SP2: variants seen among roughly 807,000 people sequenced by gnomAD.
SP2 encodes the protein Sp2 transcription factor.
In SP2, 9 loss-of-function variants were observed where a neutral mutation model predicts 50.1. The ratio of observed to expected loss-of-function variants is 0.18; its 90% CI spans 0.11 to 0.31. The LOEUF (loss-of-function observed/expected upper bound fraction) is 0.31, where lower values mean the gene tolerates loss of function less well. Ranked by LOEUF, SP2 falls within the 10% of genes least tolerant of loss-of-function variation. SP2 has a pLI of 1.00. For missense variants in SP2, 581 were observed against 806.5 expected (o/e 0.72, Z 3.39); for synonymous variants, 313 against 326.6 (o/e 0.96, Z 0.45).
intron 1 of SP2, among the ~76,000 whole-genome samples, chr17:47,914,060 G>A (rs933312472): frequency 1.3e-5 from 2 of 152,164 alleles, no homozygotes; most frequent in African/African-American, 2.4e-5. Flanking sequence ...ATGTAAAAGC[G>A]TAAATTCAAG....
chr17:47,903,808 C>CA (rs1350758912), intron 1 of SP2, among the ~76,000 whole-genome samples: 3 of 150,062 alleles, frequency 2.0e-5, no homozygotes, highest in African/African-American at 4.9e-5. Flanking sequence ...TACTAAAATA[C>CA]AAAAAATCAG....
chr17:47,916,643 C>T lies in SP2; in HGVS notation c.572C>T (p.Thr191Ile), dbSNP rs1416259762. Residue 191 changes from threonine (T) to isoleucine (I), a missense_variant, in exon 3 of 7, where the codon ACC becomes ATC. Thr to Ile is a moderately conservative substitution (Grantham distance 89). Coordinates refer to ENST00000376741, the MANE Select transcript of SP2 (RefSeq NM_003110.6). The surrounding 1 kb of genome is among the most constrained non-coding windows in gnomAD (Gnocchi z 4.7). The stretch of plus-strand genomic sequence containing the variant: ...CCCATCCAGAAGTCGAGTACGACCA[C>T]CACCCCCGTGCAGAGCGGGGCCAAT... ...PAPIQKSSTT[T>I]TPVQSGANVV... 1.2e-6 allele frequency: 2 copies of T among 1,613,998 alleles called. No individual in the cohort carries two copies. The highest frequency in any genetic ancestry group is 1.7e-6 in the Non-Finnish European group (2 of 1,179,926).
rs2035195506 is a variant in SP2, at chr17:47,916,216, G to C, written c.145G>C (p.Ala49Pro). ...AACATGTAGCAAAATTGGCCCTCCAGCAGTTGAAGCTGCTGTGACACCTCC... is the reference window on the plus strand; with the variant it reads ...AACATGTAGCAAAATTGGCCCTCCACCAGTTGAAGCTGCTGTGACACCTCC... The part of the protein sequence containing the change: ...AATCSKIGPP[A>P]VEAAVTPPAP... Residue 49 changes from alanine (A) to proline (P), a missense_variant, in exon 3 of 7, where the codon GCA (alanine) becomes CCA (proline). Ala to Pro is a conservative substitution (Grantham distance 27). Around this residue, in one of 2 missense-constraint regions of SP2, gnomAD observed 397 missense variants for 491.0 expected, o/e 0.81. Transcript: ENST00000376741. The surrounding 1 kb of genome is among the most constrained non-coding windows in gnomAD (Gnocchi z 4.7). 6.2e-7 allele frequency: 1 copy of C among 1,614,004 alleles called. No homozygotes were observed. Among genetic ancestry groups the C allele is most frequent in the East Asian group, 2.2e-5 (1 of 44,866 alleles).
At chr17:47,929,652 T>C (rs2035779613), downstream of SP2, 1 of 152,702 alleles carries the variant, frequency 6.5e-6, no homozygotes, top group African/African-American at 2.4e-5. Flanking sequence ...TGTTTTGCTT[T>C]GTTTTGCAGA....
At chr17:47,908,848 C>G (rs550170446) in intron 1 of SP2, among the ~76,000 whole-genome samples, 4 of 152,144 alleles carry the variant, frequency 2.6e-5, no homozygotes, top group Non-Finnish European at 5.9e-5. Context: ...ATCCACCGCG[C>G]CCGGCCATGA....
At chr17:47,927,170 G>A (rs112620510) in intron 6 of SP2, among the ~76,000 whole-genome samples, 161 of 152,274 alleles carry the variant, frequency 1.1e-3, no homozygotes, top group African/African-American at 3.9e-3. Flanking sequence ...CAGGGACAAG[G>A]AATGGGAACG....
At chr17:47,929,227 T>C (rs1314785033), downstream of SP2, among the ~76,000 whole-genome samples, 1 of 152,234 alleles carries the variant, frequency 6.6e-6, no homozygotes, top group Non-Finnish European at 1.5e-5. Flanking sequence ...GTTTTGCCTG[T>C]ACACAAAGCA....
chr17:47,925,301 C>G (rs763801680), intron 5 of SP2, 47 bp from the exon 6 acceptor site: 3 of 1,557,176 alleles, frequency 1.9e-6, no homozygotes, highest in Non-Finnish European at 1.8e-6. Flanking sequence ...TACCGCTTTT[C>G]TCTCCTCTTC....
chr17:47,924,219 T>C (rs1195930187), intron 4 of SP2, among the ~76,000 whole-genome samples: 1 of 152,108 alleles, frequency 6.6e-6, no homozygotes, highest in African/African-American at 2.4e-5. Flanking sequence ...CAATGCAGCC[T>C]CAGCCTCCTG....
chr17:47,898,768 A>G (rs1426255231), intron 1 of SP2: 1 of 152,240 alleles, frequency 6.6e-6, no homozygotes, highest in Non-Finnish European at 1.5e-5. Context: ...TTAGGGATGC[A>G]GTAGCGTGAA....
intron 1 of SP2, among the ~76,000 whole-genome samples, chr17:47,911,800 G>A (rs1163687529): frequency 2.7e-5 from 4 of 146,334 alleles, no homozygotes; most frequent in Middle Eastern, 3.5e-3. Context: ...GCGAGACTCC[G>A]TCTCAAAAAA....
At chr17:47,909,669 A>C in intron 1 of SP2, 1 of 980,024 alleles carries the variant, frequency 1.0e-6, no homozygotes. Flanking sequence ...TACAGAGGGC[A>C]CTAGGAGGAG....
At chr17:47,897,213 T>C (rs1031171705) in intron 1 of SP2, 3 of 152,292 alleles carry the variant, frequency 2.0e-5, no homozygotes, top group African/African-American at 7.2e-5. Context: ...ATGCTTCTTA[T>C]GTTTCCTTGC....
chr17:47,900,363 ATCT>A (rs1598096242), intron 1 of SP2: 1 of 152,218 alleles, frequency 6.6e-6, no homozygotes, highest in Non-Finnish European at 1.5e-5. Context: ...ATAATTAGGA[ATCT>A]TCTTAGATCA....
intron 1 of SP2, chr17:47,897,552 C>T (rs1047095154): frequency 2.6e-5 from 4 of 152,260 alleles, no homozygotes; most frequent in African/African-American, 9.6e-5. Flanking sequence ...CTGGCATGCA[C>T]TGTCTAAAAC....
chr17:47,909,214 A>G (rs915896045), intron 1 of SP2, among the ~76,000 whole-genome samples: 2 of 152,194 alleles, frequency 1.3e-5, no homozygotes, highest in African/African-American at 4.8e-5. Flanking sequence ...TGTGTAAACT[A>G]CAGGAGGATA....
intron 1 of SP2, among the ~76,000 whole-genome samples, chr17:47,912,836 C>T (rs2035045832): frequency 1.3e-5 from 2 of 151,958 alleles, no homozygotes; most frequent in African/African-American, 2.4e-5. Context: ...GTTCTGCTTT[C>T]CCAATATGTA....
In SP2 at chr17:47,928,189, A is replaced by G. The variant is rs1399376268; in HGVS notation, c.*365A>G. On this transcript the variant is annotated 3_prime_UTR_variant, in exon 7 of 7. Transcript: ENST00000376741. The stretch of plus-strand genomic sequence containing the variant: ...ACCCCCCACCCCGATCCCCGCTCCC[A>G]ACACTGCCGGAGTCGCGTCATGCCA... 2 of 168,670 alleles carry G rather than the reference A, an allele frequency of 1.2e-5. No homozygotes were observed. Among genetic ancestry groups the G allele is most frequent in the African/African-American group, 5.6e-5 (2 of 35,506 alleles). The allele number at this position is 168,670 out of a possible 1,614,324, so 10.4% of individuals were successfully genotyped here.
intron 1 of SP2, among the ~76,000 whole-genome samples, chr17:47,910,238 A>G (rs1241784653): frequency 6.6e-6 from 1 of 152,238 alleles, no homozygotes; most frequent in African/African-American, 2.4e-5. Flanking sequence ...GCACAAAACC[A>G]ATTTAGTGGG....
Sources: gnomAD v4.1 joint callset for allele counts (sites outside exome capture counted in the v4.1 genomes callset) on GRCh38, gnomAD v4.1.1 for gene constraint, gnomAD v4.1.1 regional missense constraint, Gnocchi (gnomAD v3.1) non-coding constraint, MANE v1.5 for transcripts, NCBI Gene and HGNC (gene_info 2026-07-23, HGNC 2026-07-21) for gene names.